HPSE2: variants seen among roughly 807,000 people sequenced by gnomAD.
HPSE2 encodes the protein inactive heparanase-2.
A neutral mutation model predicts 60.5 loss-of-function variants in HPSE2; 38 were observed. The observed-to-expected ratio is 0.63, with a 90% confidence interval of 0.48 to 0.82. The LOEUF is 0.82. Ranked by LOEUF, HPSE2 falls within the 40% of genes least tolerant of loss-of-function variation. The pLI, the probability that HPSE2 is intolerant of heterozygous loss-of-function variation, is 0.00. For synonymous variants in HPSE2, 295 were observed against 293.2 expected (o/e 1.01, Z -0.06); for missense variants, 713 against 740.4 (o/e 0.96, Z 0.43).
chr10:99,080,950 T>A (rs912784643), intron 3 of HPSE2, among the ~76,000 whole-genome samples: 5 of 152,214 alleles, frequency 3.3e-5, no homozygotes, highest in African/African-American at 1.2e-4. Context: ...TTTCTTGAAT[T>A]CTAAAATTTT....
At chr10:99,259,303 C>T in the HPSE2 span, among the ~76,000 whole-genome samples, 1 of 71,510 alleles carries the variant, frequency 1.4e-5, no homozygotes, top group South Asian at 6.8e-4. Context: ...CAAAACCCCC[C>T]CCACCAAAAA....
At chr10:99,260,627 C>T in the HPSE2 span, among the ~76,000 whole-genome samples, 3 of 152,276 alleles carry the variant, frequency 2.0e-5, no homozygotes, top group African/African-American at 4.8e-5. Context: ...AAAACTCTGG[C>T]GCAGTCCCGG....
the HPSE2 span, among the ~76,000 whole-genome samples, chr10:99,304,949 T>C: frequency 0.86 from 130,585 of 152,234 alleles, 56,397 homozygotes; most frequent in African/African-American, 0.93. Flanking sequence ...AATGGAATTT[T>C]CTAGAGTCTA....
Position 98,569,619 on chromosome 10 carries a change from G to A in HPSE2, c.1320+45285C>T, listed in dbSNP as rs117053179. Among the ~76,000 whole-genome samples the A allele has an allele frequency of 4.8e-3, 724 of 152,030 alleles. 2 individuals are homozygous for A. Among genetic ancestry groups the A allele is most frequent in the Non-Finnish European group, 8.4e-3 (573 of 67,998 alleles). On this transcript the variant is annotated intron_variant, in intron 9 of 11. Coordinates refer to ENST00000370552, the MANE Select transcript of HPSE2 (RefSeq NM_021828.5). ...TGTCAAAATTCAATTTATCCTTCTA[G>A]ATTTATCCCATGAAGCCTTTCTTGG...
At chr10:98,752,316 G>A (rs1335342124) in intron 3 of HPSE2, among the ~76,000 whole-genome samples, 1 of 152,134 alleles carries the variant, frequency 6.6e-6, no homozygotes, top group Non-Finnish European at 1.5e-5. Flanking sequence ...AATGTGATAT[G>A]GTCTTAAGCA....
intron 3 of HPSE2, among the ~76,000 whole-genome samples, chr10:98,823,206 A>G (rs1211558590): frequency 6.6e-6 from 1 of 152,222 alleles, no homozygotes; most frequent in Non-Finnish European, 1.5e-5. Context: ...AGCTGTGGAG[A>G]ATGAATTTTA....
At position 98,708,532 on chromosome 10, in the gene HPSE2, T is replaced by C. The variant is rs148648018; in HGVS notation, c.956+13125A>G. Among the ~76,000 whole-genome samples the C allele has an allele frequency of 1.4e-3, 216 of 152,276 alleles. 3 individuals are homozygous for C. The highest frequency in any genetic ancestry group is 5.0e-3 in the African/African-American group (206 of 41,574). On this transcript the variant is annotated intron_variant, in intron 5 of 11. Transcript: ENST00000370552. ...ATTATTTTTTAACCGTAGTGGTATA[T>C]TGAAGCAGTAGAAAAGTTGTTTTAC...
At chr10:99,273,968 G>C in the HPSE2 span, among the ~76,000 whole-genome samples, 1 of 152,200 alleles carries the variant, frequency 6.6e-6, no homozygotes, top group African/African-American at 2.4e-5. Context: ...AGAAGAGAAA[G>C]GCAAACCCAA....
chr10:98,863,132 A>G (rs1952499892), intron 3 of HPSE2, among the ~76,000 whole-genome samples: 5 of 152,166 alleles, frequency 3.3e-5, no homozygotes, highest in Admixed American at 3.3e-4. Context: ...TCAGTAGTTG[A>G]AAAGAGAAGA....
At chr10:98,578,219 T>C (rs1363801129) in intron 9 of HPSE2, among the ~76,000 whole-genome samples, 1 of 152,200 alleles carries the variant, frequency 6.6e-6, no homozygotes, top group Admixed American at 6.5e-5. Context: ...TGCTGTTTTG[T>C]CTCTGAGACT....
At chr10:98,767,091 ACTT>A (rs1468200846) in intron 3 of HPSE2, among the ~76,000 whole-genome samples, 1 of 152,164 alleles carries the variant, frequency 6.6e-6, no homozygotes, top group African/African-American at 2.4e-5. Context: ...ATAGCTATGA[ACTT>A]CTTTAGTTTG....
intron 3 of HPSE2, among the ~76,000 whole-genome samples, chr10:99,038,245 C>T (rs1957654553): frequency 6.6e-6 from 1 of 151,980 alleles, no homozygotes; most frequent in African/African-American, 2.4e-5. Flanking sequence ...TTTGCAATAG[C>T]CAAAAACTGG....
chr10:98,526,820 T>C (rs1942981236), intron 9 of HPSE2, among the ~76,000 whole-genome samples: 1 of 152,152 alleles, frequency 6.6e-6, no homozygotes, highest in Non-Finnish European at 1.5e-5. Flanking sequence ...GTTGAGGGGA[T>C]GAAGCTGGTA....
chr10:98,575,533 A>G (rs898636717), intron 9 of HPSE2, among the ~76,000 whole-genome samples: 2 of 152,276 alleles, frequency 1.3e-5, no homozygotes, highest in African/African-American at 4.8e-5. Flanking sequence ...AGTGCTTACT[A>G]TGTGCCAAGC....
At chr10:99,174,327 T>C (rs1847439028) in intron 2 of HPSE2, among the ~76,000 whole-genome samples, 2 of 152,124 alleles carry the variant, frequency 1.3e-5, no homozygotes, top group African/African-American at 4.8e-5. Flanking sequence ...TTTAAGAAAA[T>C]TTTGTCATAT....
the HPSE2 span, among the ~76,000 whole-genome samples, chr10:99,293,660 C>T: frequency 0.86 from 130,109 of 152,154 alleles, 55,975 homozygotes; most frequent in African/African-American, 0.92. Context: ...CGAAGCTTTT[C>T]TTAATCTTTA....
chr10:98,548,952 C>T (rs1943778379), intron 9 of HPSE2, among the ~76,000 whole-genome samples: 1 of 152,106 alleles, frequency 6.6e-6, no homozygotes, highest in African/African-American at 2.4e-5. Context: ...ATCCCTGTTC[C>T]CACAGAGCCC....
the HPSE2 span, among the ~76,000 whole-genome samples, chr10:99,272,655 C>T: frequency 4.8e-5 from 7 of 145,134 alleles, no homozygotes; most frequent in South Asian, 1.5e-3. Flanking sequence ...AAATGTTCAA[C>T]AAACATATGA....
intron 3 of HPSE2, among the ~76,000 whole-genome samples, chr10:98,756,350 G>A (rs991102881): frequency 2.0e-5 from 3 of 151,978 alleles, no homozygotes; most frequent in Non-Finnish European, 4.4e-5. Flanking sequence ...AAATTGAGAT[G>A]TGAAAAACCA....
Sources: gnomAD v4.1 joint callset for allele counts (sites outside exome capture counted in the v4.1 genomes callset) on GRCh38, gnomAD v4.1.1 for gene constraint, MANE v1.5 for transcripts, NCBI Gene and HGNC (gene_info 2026-07-23, HGNC 2026-07-21) for gene names.